The following TASP1 variants were observed in gnomAD, a reference collection of about 807,000 sequenced individuals.
TASP1 encodes threonine aspartase 1.
A neutral mutation model predicts 56.6 loss-of-function variants in TASP1; 16 were observed. The ratio of observed to expected loss-of-function variants is 0.28; its 90% CI spans 0.19 to 0.43. The LOEUF (loss-of-function observed/expected upper bound fraction) is 0.43. Among genes scored for constraint, TASP1 ranks in the 20% least tolerant of loss-of-function variants. TASP1 has a pLI of 1.00. For synonymous variants in TASP1, 179 were observed against 184.2 expected (o/e 0.97, Z 0.23); for missense variants, 393 against 511.6 (o/e 0.77, Z 2.24).
intron 7 of TASP1, among the ~76,000 whole-genome samples, chr20:13,564,706 C>A (rs1225764781): frequency 1.3e-5 from 2 of 151,816 alleles, no homozygotes; most frequent in Admixed American, 6.6e-5. Flanking sequence ...CTACAGCAAT[C>A]AAAACAGTAT....
the TASP1 span, chr20:13,168,970 T>C: frequency 6.6e-6 from 1 of 151,432 alleles, no homozygotes; most frequent in Non-Finnish European, 1.5e-5. Flanking sequence ...TGTGTGTGTG[T>C]GCATGTGTCT....
chr20:13,506,987 T>C (rs2044157520), intron 10 of TASP1, among the ~76,000 whole-genome samples: 1 of 152,006 alleles, frequency 6.6e-6, no homozygotes. Flanking sequence ...AAACTGTTAC[T>C]ATTGGCAGAT....
intron 13 of TASP1, among the ~76,000 whole-genome samples, chr20:13,408,095 T>C (rs2041984811): frequency 1.3e-5 from 2 of 152,154 alleles, no homozygotes; most frequent in Non-Finnish European, 2.9e-5. Flanking sequence ...TTTCTTTTGT[T>C]GCCTGTGCTT....
At chr20:13,565,532 C>T (rs1383937302) in intron 7 of TASP1, among the ~76,000 whole-genome samples, 1 of 151,994 alleles carries the variant, frequency 6.6e-6, no homozygotes, top group Non-Finnish European at 1.5e-5. Context: ...AGGCAAAGGA[C>T]TAGGATATAT....
the TASP1 span, among the ~76,000 whole-genome samples, chr20:13,156,012 T>C: frequency 6.6e-6 from 1 of 152,114 alleles, no homozygotes. Flanking sequence ...TGATTGAAAG[T>C]AGCAGACAAT....
chr20:13,292,421 G>A, the TASP1 span: 3 of 1,606,954 alleles, frequency 1.9e-6, no homozygotes, highest in Non-Finnish European at 1.7e-6. Context: ...GAGTCTGCTT[G>A]CGGGAAGCGA....
the TASP1 span, among the ~76,000 whole-genome samples, chr20:13,348,070 G>A: frequency 6.6e-6 from 1 of 152,068 alleles, no homozygotes; most frequent in Non-Finnish European, 1.5e-5. Flanking sequence ...ATTAGGGATT[G>A]AGGAGGGTGT....
chr20:13,514,399 G>C (rs1249744796), intron 10 of TASP1, among the ~76,000 whole-genome samples: 2 of 152,124 alleles, frequency 1.3e-5, no homozygotes, highest in African/African-American at 4.8e-5. Context: ...AACAGGAAAT[G>C]CAATGGTGCG....
At chr20:13,547,586 A>G (rs906354101) in intron 8 of TASP1, among the ~76,000 whole-genome samples, 1 of 152,240 alleles carries the variant, frequency 6.6e-6, no homozygotes, top group Non-Finnish European at 1.5e-5. Context: ...ACCCACAGAC[A>G]GTAAAGATTC....
chr20:13,385,778 ACT>A (rs1568731478), downstream of TASP1, among the ~76,000 whole-genome samples: 1 of 152,214 alleles, frequency 6.6e-6, no homozygotes, highest in South Asian at 2.1e-4. Flanking sequence ...TCCTGTAGGA[ACT>A]CTCTCAAAAA....
the TASP1 span, among the ~76,000 whole-genome samples, chr20:13,178,045 A>G: frequency 6.6e-6 from 1 of 152,284 alleles, no homozygotes; most frequent in South Asian, 2.1e-4. Context: ...AGGAACTCAG[A>G]CATTTCAACA....
chr20:13,498,787 T>C (rs1399067384), intron 10 of TASP1, among the ~76,000 whole-genome samples: 1 of 70,842 alleles, frequency 1.4e-5, no homozygotes, highest in South Asian at 4.2e-4. Context: ...ATGGCTATTA[T>C]AAAAAAGGCA....
At chr20:13,541,045 G>C (rs948448825) in intron 8 of TASP1, among the ~76,000 whole-genome samples, 3 of 152,098 alleles carry the variant, frequency 2.0e-5, no homozygotes, top group African/African-American at 7.2e-5. Flanking sequence ...TGAAAAATAT[G>C]AATGAGATAT....
the TASP1 span, among the ~76,000 whole-genome samples, chr20:13,230,707 T>C: frequency 9.9e-5 from 15 of 150,848 alleles, no homozygotes; most frequent in African/African-American, 3.4e-4. Flanking sequence ...CCAGATTATA[T>C]GTAGTGAGTT....
chr20:13,517,908 T>C (rs1477653922), intron 10 of TASP1, among the ~76,000 whole-genome samples: 2 of 152,124 alleles, frequency 1.3e-5, no homozygotes, highest in African/African-American at 4.8e-5. Context: ...ACTTCAGTTC[T>C]TAGAAATGTG....
the TASP1 span, among the ~76,000 whole-genome samples, chr20:13,298,591 T>C: frequency 6.6e-6 from 1 of 152,180 alleles, no homozygotes; most frequent in Non-Finnish European, 1.5e-5. Flanking sequence ...ACAAATATAA[T>C]AATAGTTAAA....
intron 10 of TASP1, among the ~76,000 whole-genome samples, chr20:13,518,804 T>G (rs1051696154): frequency 2.6e-5 from 4 of 152,242 alleles, no homozygotes; most frequent in East Asian, 1.9e-4. Flanking sequence ...AACCACCATT[T>G]GACCCAGCAA....
At chr20:13,268,977 A>G in the TASP1 span, among the ~76,000 whole-genome samples, 1 of 152,142 alleles carries the variant, frequency 6.6e-6, no homozygotes, top group Non-Finnish European at 1.5e-5. Flanking sequence ...GCTCTCCAAG[A>G]AGATATGTAT....
chr20:13,325,526 C>T, the TASP1 span, among the ~76,000 whole-genome samples: 1 of 152,116 alleles, frequency 6.6e-6, no homozygotes, highest in Non-Finnish European at 1.5e-5. Flanking sequence ...TAATATTCAC[C>T]TTTCCCCAAC....
Sources: allele counts gnomAD v4.1 joint callset (sites outside exome capture counted in the v4.1 genomes callset), GRCh38; gene constraint gnomAD v4.1.1; transcripts MANE v1.5; gene names NCBI Gene and HGNC (gene_info 2026-07-23, HGNC 2026-07-21).